AXDND1: variants seen among roughly 807,000 people sequenced by gnomAD.
The protein encoded by AXDND1 is axonemal dynein light chain domain-containing protein 1.
AXDND1 carries 110 observed loss-of-function variants against 137.5 expected under a neutral mutation model. The ratio of observed to expected loss-of-function variants is 0.80; its 90% CI spans 0.69 to 0.94. The LOEUF (loss-of-function observed/expected upper bound fraction) is 0.94. Among genes scored for constraint, AXDND1 ranks in the 40% least tolerant of loss-of-function variants. The pLI is 0.00. For synonymous variants in AXDND1, 414 were observed against 399.7 expected, an observed-to-expected ratio of 1.04 and a Z score of -0.43; for missense variants, 1,191 against 1,169.8, an observed-to-expected ratio of 1.02 and a Z score of -0.26.
At chr1:179,443,522 A>G (rs1015049234) in intron 15 of AXDND1, among the ~76,000 whole-genome samples, 8 of 152,030 alleles carry the variant, frequency 5.3e-5, no homozygotes, top group Non-Finnish European at 1.0e-4. Context: ...CTTTTCCCCA[A>G]ACTGACATTC....
At chr1:179,416,946 T>C (rs1359233885) in intron 12 of AXDND1, among the ~76,000 whole-genome samples, 1 of 152,236 alleles carries the variant, frequency 6.6e-6, no homozygotes, top group Middle Eastern at 3.2e-3. Context: ...CTTCCTTGCA[T>C]ATACGGCCCT....
intron 22 of AXDND1, 53 bp downstream of exon 22, chr1:179,525,500 CAT>C: frequency 2.0e-6 from 3 of 1,502,922 alleles, no homozygotes; most frequent in Non-Finnish European, 2.7e-6. Flanking sequence ...TACATACATA[CAT>C]ACATATATTT....
chr1:179,526,309 A>C (rs1035177394), intron 22 of AXDND1, among the ~76,000 whole-genome samples: 1 of 152,202 alleles, frequency 6.6e-6, no homozygotes, highest in African/African-American at 2.4e-5. Context: ...GCCTATCATG[A>C]GTGATATACT....
intron 18 of AXDND1, among the ~76,000 whole-genome samples, chr1:179,490,486 C>A (rs1666742676): frequency 6.6e-6 from 1 of 152,138 alleles, no homozygotes; most frequent in Non-Finnish European, 1.5e-5. Context: ...TTTTCACACT[C>A]CTAAGCCAAA....
chr1:179,509,650 A>G lies in AXDND1; in HGVS notation c.2496+247A>G, dbSNP rs542376051. Reference sequence around the variant, plus strand: ...AAAGGAAAGAATGGGTTTCAGGTAGAAGCTCCCTGCCACTTCCTGAGGCAT... The same window carrying G: ...AAAGGAAAGAATGGGTTTCAGGTAGGAGCTCCCTGCCACTTCCTGAGGCAT... On this transcript the variant is annotated intron_variant, in intron 21 of 25. Transcript: ENST00000367618. Among the ~76,000 whole-genome samples the G allele has an allele frequency of 1.3e-5, 2 of 152,244 alleles. 1 individual carries two copies. The highest frequency in any genetic ancestry group is 4.1e-4 in the South Asian group (2 of 4,828).
At chr1:179,387,921 A>G (rs115516400) in intron 9 of AXDND1, among the ~76,000 whole-genome samples, 150 of 152,280 alleles carry the variant, frequency 9.9e-4, no homozygotes, top group African/African-American at 3.5e-3. Flanking sequence ...TTAGCTGAAC[A>G]CTTGAGGGAG....
At chr1:179,516,931 C>T (rs1054277030) in intron 21 of AXDND1, among the ~76,000 whole-genome samples, 3 of 152,194 alleles carry the variant, frequency 2.0e-5, no homozygotes, top group Non-Finnish European at 4.4e-5. Context: ...GCTGCTTGGT[C>T]TCCTGCCGGG....
chr1:179,381,620 A>G (rs1648336784), intron 6 of AXDND1, among the ~76,000 whole-genome samples: 1 of 152,018 alleles, frequency 6.6e-6, no homozygotes, highest in South Asian at 2.1e-4. Flanking sequence ...CTGGGATTAC[A>G]GGTGTGAGCC....
chr1:179,532,214 T>C (rs1671099249), intron 23 of AXDND1, among the ~76,000 whole-genome samples: 1 of 152,170 alleles, frequency 6.6e-6, no homozygotes, highest in African/African-American at 2.4e-5. Flanking sequence ...AAGAAAGGGA[T>C]GTTTTCCTAG....
chr1:179,417,540 G>A (rs1654888378), intron 12 of AXDND1, among the ~76,000 whole-genome samples: 2 of 152,138 alleles, frequency 1.3e-5, no homozygotes, highest in African/African-American at 4.8e-5. Flanking sequence ...GTGAGAAATA[G>A]GGGGTCTAGT....
At position 179,523,211 on chromosome 1, in the gene AXDND1, GTATAGGCT is replaced by G. The variant is rs1246746532; in HGVS notation, c.2497-2121_2497-2114del. Among the ~76,000 whole-genome samples, 7 of 146,502 alleles carry G rather than the reference GTATAGGCT, an allele frequency of 4.8e-5. No individual in the cohort carries two copies. The Admixed American group carries it at 4.9e-4, about 10-fold the overall frequency. On this transcript the variant is annotated intron_variant, in intron 21 of 25. Transcript: ENST00000367618. ...GAAAATCTATTATTGTTTTCCTTGA[GTATAGGCT>G]TTTGATTTCATCTGATTGTTTTTGT...
chr1:179,533,644 T>C (rs79586313), intron 23 of AXDND1, 151 bp from the exon 24 acceptor site: 1 of 269,790 alleles, frequency 3.7e-6, no homozygotes, highest in Non-Finnish European at 6.6e-6. Context: ...TTTTTTTTTT[T>C]GGTATTAAGG....
intron 21 of AXDND1, among the ~76,000 whole-genome samples, chr1:179,510,913 C>G (rs978246839): frequency 1.3e-5 from 2 of 151,456 alleles, no homozygotes; most frequent in African/African-American, 4.9e-5. Context: ...CCCTTCCCCC[C>G]AAATCCCCAA....
chr1:179,472,081 G>A (rs1664013692), intron 17 of AXDND1, among the ~76,000 whole-genome samples: 1 of 152,096 alleles, frequency 6.6e-6, no homozygotes, highest in African/African-American at 2.4e-5. Context: ...ATTTTTAGTA[G>A]AGACAGGGTT....
intron 16 of AXDND1, chr1:179,457,333 A>C (rs1393931833): frequency 1.0e-4 from 59 of 568,016 alleles, no homozygotes; most frequent in Non-Finnish European, 1.6e-4. Flanking sequence ...GAGTTAGACA[A>C]GACGGCCGGG....
At chr1:179,390,303 C>T (rs1649947038) in intron 9 of AXDND1, among the ~76,000 whole-genome samples, 1 of 152,176 alleles carries the variant, frequency 6.6e-6, no homozygotes, top group African/African-American at 2.4e-5. Context: ...TGTGAGCCAT[C>T]ACGCCTGGCC....
At chr1:179,405,942 G>A (rs1652887174) in intron 11 of AXDND1, among the ~76,000 whole-genome samples, 1 of 151,548 alleles carries the variant, frequency 6.6e-6, no homozygotes, top group South Asian at 2.1e-4. Flanking sequence ...TCTAGTTCCT[G>A]GAATAATAAA....
intron 6 of AXDND1, among the ~76,000 whole-genome samples, chr1:179,380,569 A>T (rs895889043): frequency 1.3e-5 from 2 of 152,148 alleles, no homozygotes; most frequent in African/African-American, 4.8e-5. Context: ...TGAAAATAGG[A>T]TCTTGCTTTT....
Position 179,417,853 on chromosome 1 carries a change from A to G in AXDND1, c.1230+6587A>G, listed in dbSNP as rs1654931243. Among the ~76,000 whole-genome samples, 3 of 151,992 alleles carry G rather than the reference A, an allele frequency of 2.0e-5. 1 individual carries two copies. In the South Asian group the frequency reaches 6.2e-4, roughly 31 times the overall value. ...TTCTTCCAGTCCATGAGCATGGAAT[A>G]TATTTCCATTTTTTATGTCTTTTTT... On this transcript the variant is annotated intron_variant, in intron 12 of 25. Transcript: ENST00000367618.
Sources: allele counts gnomAD v4.1 joint callset (sites outside exome capture counted in the v4.1 genomes callset), GRCh38; gene constraint gnomAD v4.1.1; transcripts MANE v1.5; gene names NCBI Gene and HGNC (gene_info 2026-07-23, HGNC 2026-07-21).